XPOT: variants seen among roughly 807,000 people sequenced by gnomAD.
XPOT encodes the protein exportin for tRNA.
Under a neutral mutation model 128.2 loss-of-function variants are expected in XPOT, and 34 were observed. That is an observed-to-expected ratio of 0.27 (90% CI 0.20 to 0.35). XPOT has a LOEUF of 0.35. Ranked by LOEUF, XPOT falls within the 10% of genes least tolerant of loss-of-function variation. XPOT has a pLI of 1.00. For missense variants in XPOT, 838 were observed against 1,125.3 expected (o/e 0.74, Z 3.65); for synonymous variants, 348 against 394.3 (o/e 0.88, Z 1.39).
intron 12 of XPOT, 114 bp from the exon 13 acceptor site, chr12:64,424,924 G>A (rs2136023571): frequency 7.1e-7 from 1 of 1,401,528 alleles, no homozygotes; most frequent in Non-Finnish European, 9.7e-7. Flanking sequence ...AAAGTTAACA[G>A]TTGCTATGAC....
intron 21 of XPOT, 29 bp from the exon 22 acceptor site, chr12:64,435,598 A>T: frequency 6.3e-7 from 1 of 1,579,692 alleles, no homozygotes; most frequent in Non-Finnish European, 8.6e-7. Context: ...AATTGAATAT[A>T]TAGAAATTCT....
At chr12:64,419,406 C>A (rs538002674) in intron 6 of XPOT, among the ~76,000 whole-genome samples, 1 of 152,314 alleles carries the variant, frequency 6.6e-6, no homozygotes, top group East Asian at 1.9e-4. Context: ...CAACCTCCGC[C>A]TCCTGGGTTC....
At chr12:64,435,765 CTTTTG>C in intron 22 of XPOT, 91 bp downstream of exon 22, 1 of 1,354,014 alleles carries the variant, frequency 7.4e-7, no homozygotes, top group East Asian at 2.7e-5. Context: ...TAAAATTTAA[CTTTTG>C]TTTTGACTTT....
intron 24 of XPOT, among the ~76,000 whole-genome samples, chr12:64,446,905 A>C (rs1392795674): frequency 6.6e-6 from 1 of 152,166 alleles, no homozygotes. Flanking sequence ...TGTCTGTATT[A>C]GTCCATTTTC....
intron 15 of XPOT, among the ~76,000 whole-genome samples, chr12:64,427,724 C>T (rs1321842351): frequency 6.6e-6 from 1 of 152,092 alleles, no homozygotes; most frequent in Admixed American, 6.6e-5. Context: ...AATTCTTTAG[C>T]TCAGTCTTCC....
At chr12:64,419,640 T>C in intron 6 of XPOT, among the ~76,000 whole-genome samples, 1 of 152,202 alleles carries the variant, frequency 6.6e-6, no homozygotes, top group East Asian at 1.9e-4. Context: ...AATACTGTAG[T>C]GACATACACG....
intron 1 of XPOT, among the ~76,000 whole-genome samples, chr12:64,405,738 C>A (rs1228420643): frequency 6.6e-5 from 10 of 152,116 alleles, no homozygotes. Flanking sequence ...GCAGCCTCAG[C>A]CTCCCGAGTA....
chr12:64,420,432 A>G lies in XPOT; in HGVS notation c.754A>G (p.Asn252Asp). ...EACDCLFEVVNKGMDPVDKMK... is the reference protein window; with the variant it reads ...EACDCLFEVVDKGMDPVDKMK... ...ATGTGACTGTTTATTTGAAGTTGTA[A>G]ATAAAGGAATGGACCCTGTTGATAA... Residue 252 changes from asparagine to aspartate, a missense_variant, in exon 8 of 25, where the codon AAT (asparagine) becomes GAT (aspartate). By Grantham distance (23) the Asn-to-Asp change is conservative. Transcript: ENST00000332707. 2 of 1,613,840 alleles carry G rather than the reference A, an allele frequency of 1.2e-6. No individual in the cohort carries two copies. Among genetic ancestry groups the G allele is most frequent in the East Asian group, 2.2e-5 (1 of 44,822 alleles).
In XPOT at chr12:64,430,111, A is replaced by G; in HGVS notation, c.1800A>G (p.Gly600=). Residue 600 remains glycine (G), a synonymous_variant, in exon 17 of 25, where the codon GGA becomes GGG. Coordinates refer to ENST00000332707, the MANE Select transcript of XPOT (RefSeq NM_007235.6). Reference sequence around the variant, plus strand: ...AACTTTTTATTTATGAGACAGCTGGAGTGCTGATTGTTAATAGTGAATATC... The same window carrying G: ...AACTTTTTATTTATGAGACAGCTGGGGTGCTGATTGTTAATAGTGAATATC... ...DDQLFIYETA[G]VLIVNSEYPA... 1 of 1,613,718 alleles carries G rather than the reference A, an allele frequency of 6.2e-7. No homozygotes were observed. The highest frequency in any genetic ancestry group is 1.1e-5 in the South Asian group (1 of 91,022).
chr12:64,440,777 C>A (rs559211819), intron 23 of XPOT, among the ~76,000 whole-genome samples: 7 of 152,202 alleles, frequency 4.6e-5, no homozygotes, highest in African/African-American at 1.7e-4. Flanking sequence ...CAAGTCTTTA[C>A]CCCATTTTCT....
chr12:64,424,457 AT>A (rs2136023158), intron 11 of XPOT, 141 bp from the exon 12 acceptor site: 1 of 703,800 alleles, frequency 1.4e-6, no homozygotes, highest in East Asian at 3.1e-5. Flanking sequence ...TAAGTTTTTA[AT>A]TTTTATTATT....
intron 2 of XPOT, 56 bp from the exon 3 acceptor site, chr12:64,414,851 G>C: frequency 9.5e-7 from 1 of 1,047,128 alleles, no homozygotes; most frequent in South Asian, 1.3e-5. Context: ...GTTTATATTA[G>C]CAGGGCATTG....
rs1199651468 is a variant in XPOT at position 64,449,745 on chromosome 12, TA to T, written c.*1615del. Reference sequence around the variant, plus strand: ...CTTTAATAAAAAATGTTTTCAGAAATAGATAAGTGAAAGCTGAGTGTTTCTT... The same window carrying T: ...CTTTAATAAAAAATGTTTTCAGAAATGATAAGTGAAAGCTGAGTGTTTCTT... On this transcript the variant is annotated 3_prime_UTR_variant, in exon 25 of 25. Transcript: ENST00000332707. The T allele has an allele frequency of 6.6e-6, 1 of 152,200 alleles. No homozygotes were observed. Among genetic ancestry groups the T allele is most frequent in the Non-Finnish European group, 1.5e-5 (1 of 68,030 alleles). The allele number at this position is 152,200 out of a possible 1,614,324, so 9.4% of individuals were successfully genotyped here.
chr12:64,421,214 A>T (rs1592329698), intron 8 of XPOT, 21 bp from the exon 9 acceptor site: 1 of 1,574,570 alleles, frequency 6.4e-7, no homozygotes, highest in Non-Finnish European at 8.7e-7. Flanking sequence ...TTAAACAGAG[A>T]TGTGTCTTGA....
intron 24 of XPOT, among the ~76,000 whole-genome samples, chr12:64,446,349 T>A (rs74833557): frequency 6.6e-6 from 1 of 152,218 alleles, no homozygotes; most frequent in South Asian, 2.1e-4. Context: ...TTCTCAGTGT[T>A]AGCATTATTA....
At chr12:64,424,561 A>G (rs61931551) in intron 11 of XPOT, 38 bp from the exon 12 acceptor site, 428,628 of 1,607,364 alleles carry the variant, frequency 0.27, 60,284 homozygotes, top group Middle Eastern at 0.43. Context: ...CGATCAACCC[A>G]TAAGTTTTTT....
At chr12:64,424,570 T>C (rs747474636) in intron 11 of XPOT, 29 bp from the exon 12 acceptor site, 2 of 1,609,710 alleles carry the variant, frequency 1.2e-6, no homozygotes, top group East Asian at 2.2e-5. Context: ...CATAAGTTTT[T>C]TGAATGAGGA....
In XPOT at chr12:64,425,811, T is replaced by G. The variant is rs762246655; in HGVS notation, c.1573-4T>G. 3 of 1,613,550 alleles carry G rather than the reference T, an allele frequency of 1.9e-6. No individual in the cohort carries two copies. The South Asian group carries it at 3.3e-5, about 18-fold the overall frequency. On this transcript the variant is annotated splice_polypyrimidine_tract_variant and splice_region_variant and intron_variant, in intron 14 of 24. Transcript: ENST00000332707. ...AGAAATAGTAAAAGTGTCTCCTTCT[T>G]TAGATGGCTTTCTTAGATCACAGAG... is the stretch of plus-strand genomic sequence containing the variant.
intron 5 of XPOT, among the ~76,000 whole-genome samples, chr12:64,418,363 T>C (rs2040107392): frequency 6.6e-6 from 1 of 152,220 alleles, no homozygotes; most frequent in South Asian, 2.1e-4. Context: ...TAAAATGTAG[T>C]TGTTTTTAAC....
Sources: gnomAD v4.1 joint callset for allele counts (sites outside exome capture counted in the v4.1 genomes callset) on GRCh38, gnomAD v4.1.1 for gene constraint, MANE v1.5 for transcripts, NCBI Gene and HGNC (gene_info 2026-07-23, HGNC 2026-07-21) for gene names.